Variants in AGGF1 observed in about 807,000 individuals in gnomAD.
The protein encoded by AGGF1 is angiogenic factor with G patch and FHA domains 1.
Under a neutral mutation model 86.5 loss-of-function variants are expected in AGGF1, and 56 were observed. That is an observed-to-expected ratio of 0.65 (90% confidence interval 0.52 to 0.81). The LOEUF is 0.81. AGGF1 is among the 30% of genes least tolerant of loss of function. The pLI, the probability that AGGF1 is intolerant of heterozygous loss-of-function variation, is 0.00. For synonymous variants in AGGF1, 313 were observed against 297.1 expected, an observed-to-expected ratio of 1.05 and a Z score of -0.55; for missense variants, 816 against 850.9, an observed-to-expected ratio of 0.96 and a Z score of 0.51.
intron 5 of AGGF1, among the ~76,000 whole-genome samples, chr5:77,046,023 C>T (rs140272647): frequency 3.6e-4 from 55 of 152,230 alleles, no homozygotes; most frequent in African/African-American, 1.3e-3. Context: ...TGATGAGGGC[C>T]TGAACTAGGA....
At chr5:77,046,099 G>A (rs898868727) in intron 5 of AGGF1, among the ~76,000 whole-genome samples, 10 of 152,102 alleles carry the variant, frequency 6.6e-5, no homozygotes, top group Admixed American at 1.3e-4. Context: ...GTAGCACTTC[G>A]TAATTTTATA....
intron 5 of AGGF1, among the ~76,000 whole-genome samples, chr5:77,043,368 C>A (rs1747165851): frequency 1.9e-5 from 1 of 52,280 alleles, no homozygotes; most frequent in Non-Finnish European, 4.1e-5. Context: ...TCTGACCCCC[C>A]CACCTCCCTC....
chr5:77,063,104 C>A lies in AGGF1; in HGVS notation c.1997C>A (p.Ser666Tyr). 4.3e-6 allele frequency: 7 copies of A among 1,613,996 alleles called. No homozygotes were observed. Among genetic ancestry groups the A allele is most frequent in the Non-Finnish European group, 5.9e-6 (7 of 1,179,990 alleles). Residue 666 changes from serine (S) to tyrosine (Y), a missense_variant, in exon 14 of 14, where the codon TCC (serine) becomes TAC (tyrosine). Ser to Tyr is a moderately radical substitution (Grantham distance 144). Coordinates refer to ENST00000312916, the MANE Select transcript of AGGF1 (RefSeq NM_018046.5). ...THAGLGTGKP[S>Y]SFEDVHLLQN... is the part of the protein sequence containing the mutation. ...GCAGGCTTGGGGACAGGCAAACCAT[C>A]CTCATTTGAAGATGTTCACCTTCTC... is the stretch of plus-strand genomic sequence containing the variant.
Position 77,048,235 on chromosome 5 carries a change from T to G in AGGF1, c.1276T>G (p.Phe426Val). The change falls in exon 7 of 14, where the codon TTT becomes GTT. Residue 426 changes from phenylalanine (F) to valine (V), a missense_variant. Transcript: ENST00000312916. ...ACCTGTGTTGCAGATAGGATCACTC[T>G]TTATCATTACTGCTGTAAACCCTGC... Reference protein sequence around the residue: ...RSPVLQIGSLFIITAVNPATI... With the variant: ...RSPVLQIGSLVIITAVNPATI... 1 of 1,613,452 alleles carries G rather than the reference T, an allele frequency of 6.2e-7. No individual in the cohort carries two copies. The highest frequency in any genetic ancestry group is 8.5e-7 in the Non-Finnish European group (1 of 1,179,438).
rs907971758 is a variant in AGGF1, at chr5:77,063,675, A to G, written c.*423A>G. The G allele has an allele frequency of 3.3e-5, 6 of 180,096 alleles. No individual in the cohort carries two copies. Among genetic ancestry groups the G allele is most frequent in the Admixed American group, 1.1e-4 (2 of 17,842 alleles). The allele number at this position is 180,096 out of a possible 1,614,324, so 11.2% of individuals were successfully genotyped here. The stretch of plus-strand genomic sequence containing the variant: ...AATAAATCTGACTATATGCATCCTC[A>G]TTTATTCCCTTTAGAACCTAGGTAA... On this transcript the variant is annotated 3_prime_UTR_variant, in exon 14 of 14. Transcript: ENST00000312916.
At chr5:77,038,345 A>G (rs1019085340) in intron 4 of AGGF1, among the ~76,000 whole-genome samples, 2 of 152,186 alleles carry the variant, frequency 1.3e-5, no homozygotes, top group African/African-American at 4.8e-5. Context: ...GTCTTTCTGT[A>G]TCTTTTCTCT....
chr5:77,055,718 G>A (rs941015502), intron 11 of AGGF1, 122 bp downstream of exon 11: 1 of 693,930 alleles, frequency 1.4e-6, no homozygotes, highest in African/African-American at 1.8e-5. Flanking sequence ...TTCGTGATTT[G>A]TATTAGTTTA....
intron 11 of AGGF1, 60 bp downstream of exon 11, chr5:77,055,656 G>A: frequency 1.2e-5 from 15 of 1,201,164 alleles, no homozygotes; most frequent in Non-Finnish European, 1.7e-5. Context: ...GAGTAAAAAT[G>A]TCTTTAAATA....
At chr5:77,052,540 T>C (rs1392495999) in intron 8 of AGGF1, among the ~76,000 whole-genome samples, 166 bp from the exon 9 acceptor site, 1 of 152,216 alleles carries the variant, frequency 6.6e-6, no homozygotes, top group Non-Finnish European at 1.5e-5. Flanking sequence ...TTCTATAGCC[T>C]CTGTTTCTAC....
intron 1 of AGGF1, among the ~76,000 whole-genome samples, chr5:77,032,267 A>AC (rs1554045792): frequency 6.6e-6 from 1 of 150,412 alleles, no homozygotes; most frequent in African/African-American, 2.4e-5. Context: ...AAAAAAAAAA[A>AC]AAAAAAACAG....
chr5:77,047,048 A>G (rs1389643561), intron 6 of AGGF1, among the ~76,000 whole-genome samples: 1 of 152,200 alleles, frequency 6.6e-6, no homozygotes, highest in African/African-American at 2.4e-5. Context: ...TACATTATGA[A>G]TTCAGCTACA....
Position 77,046,561 on chromosome 5 carries a change from T to G in AGGF1, c.1085T>G (p.Met362Arg). ...ACATCATTTAAAGATGAGAAAATCA[T>G]GGAGACTGATAGTGAACCAGAGGAA... ...NSTSFKDEKI[M>R]ETDSEPEEGE... is the part of the protein sequence containing the mutation. Residue 362 changes from methionine (M) to arginine (R), a missense_variant, in exon 6 of 14, where the codon ATG (methionine) becomes AGG (arginine). Coordinates refer to ENST00000312916, the MANE Select transcript of AGGF1 (RefSeq NM_018046.5). 6.2e-7 allele frequency: 1 copy of G among 1,613,838 alleles called. No homozygotes were observed. The highest frequency in any genetic ancestry group is 8.5e-7 in the Non-Finnish European group (1 of 1,179,858).
intron 3 of AGGF1, 30 bp downstream of exon 3, chr5:77,035,773 A>G: frequency 6.4e-7 from 1 of 1,574,660 alleles, no homozygotes; most frequent in Non-Finnish European, 8.7e-7. Context: ...GAAACTGTTG[A>G]TGCCCAAGAA....
At chr5:77,038,124 A>C (rs1170358698) in intron 4 of AGGF1, among the ~76,000 whole-genome samples, 1 of 152,234 alleles carries the variant, frequency 6.6e-6, no homozygotes, top group Non-Finnish European at 1.5e-5. Flanking sequence ...CTCAATTAAC[A>C]TAAGAGGTGT....
In AGGF1 at chr5:77,048,951, A is replaced by G. The variant is rs1561288561; in HGVS notation, c.1329A>G (p.Glu443=). Residue 443 remains glutamate (E), a synonymous_variant, in exon 8 of 14, where the codon GAA becomes GAG. Coordinates refer to ENST00000312916, the MANE Select transcript of AGGF1 (RefSeq NM_018046.5). ...PATIGREKDM[E]HTLRIPEVGV... ...AACTCTGCAGAGAAAAGGATATGGA[A>G]CATACTCTCCGAATCCCTGAAGTTG... 6.2e-7 allele frequency: 1 copy of G among 1,613,840 alleles called. No individual in the cohort carries two copies. The highest frequency in any genetic ancestry group is 1.7e-5 in the Admixed American group (1 of 60,018).
At chr5:77,044,266 C>G (rs1392967332) in intron 5 of AGGF1, among the ~76,000 whole-genome samples, 1 of 151,986 alleles carries the variant, frequency 6.6e-6, no homozygotes, top group Non-Finnish European at 1.5e-5. Context: ...CGAGATCACG[C>G]CACTGCACTC....
At position 77,064,672 on chromosome 5, in the gene AGGF1, G is replaced by A. The variant is rs1742756766; in HGVS notation, c.*1420G>A. 6.6e-6 allele frequency: 1 copy of A among 152,178 alleles called. No individual in the cohort carries two copies. The highest frequency in any genetic ancestry group is 1.5e-5 in the Non-Finnish European group (1 of 68,034). The allele number at this position is 152,178 out of a possible 1,614,324, so 9.4% of individuals were successfully genotyped here. A position where few individuals can be genotyped will look rare whatever the true frequency, so the allele number is the denominator to read the frequency against. ...CCTGCATAGTCTGACACATACGTAT[G>A]TACAGTTAGACTTGCAGGCTGCAGG... On this transcript the variant is annotated 3_prime_UTR_variant, in exon 14 of 14. Transcript: ENST00000312916.
chr5:77,045,985 T>C (rs544345256), intron 5 of AGGF1, among the ~76,000 whole-genome samples: 1 of 152,350 alleles, frequency 6.6e-6, no homozygotes, highest in East Asian at 1.9e-4. Flanking sequence ...ACCATTGGTC[T>C]AGGCTATCCC....
chr5:77,035,543 T>C lies in AGGF1; in HGVS notation c.316T>C (p.Tyr106His), dbSNP rs761722951. The stretch of plus-strand genomic sequence containing the variant: ...TTCACTTCATTTTTTTGCTACAGAT[T>C]ATTTTTATCAGACGTACTACAATGA... The part of the protein sequence containing the change: ...ENHAPWSISD[Y>H]FYQTYYNDVS... Residue 106 changes from tyrosine to histidine, a missense_variant and splice_region_variant, in exon 3 of 14, where the codon TAT (tyrosine) becomes CAT (histidine). Tyr to His is a moderately conservative substitution (Grantham distance 83, BLOSUM62 2). Transcript: ENST00000312916. 9 of 1,609,584 alleles carry C rather than the reference T, an allele frequency of 5.6e-6. No homozygotes were observed. In the African/African-American group the frequency reaches 8.0e-5, roughly 14 times the overall value.
Sources: gnomAD v4.1 joint callset for allele counts (sites outside exome capture counted in the v4.1 genomes callset) on GRCh38, gnomAD v4.1.1 for gene constraint, MANE v1.5 for transcripts, NCBI Gene and HGNC (gene_info 2026-07-23, HGNC 2026-07-21) for gene names.